Variants in CWC15 observed in about 807,000 individuals in gnomAD.
CWC15 encodes the protein CWC15 spliceosome associated protein.
Under a neutral mutation model 28.4 loss-of-function variants are expected in CWC15, and 12 were observed. The ratio of observed to expected loss-of-function variants is 0.42; its 90% CI spans 0.27 to 0.69. The LOEUF is 0.69. CWC15 is among the 30% of genes least tolerant of loss of function. CWC15 has a pLI of 0.23. For missense variants in CWC15, 192 were observed against 271.5 expected (o/e 0.71, Z 2.06); for synonymous variants, 92 against 88.4 (o/e 1.04, Z -0.23).
chr11:94,970,671 G>A (rs1001842168), intron 4 of CWC15: 3 of 336,146 alleles, frequency 8.9e-6, no homozygotes, highest in Admixed American at 8.7e-5. Flanking sequence ...GTGCCCTGGA[G>A]AGGTGTGTAA....
At chr11:94,964,208 A>G (rs1468225678) in intron 6 of CWC15, among the ~76,000 whole-genome samples, 3 of 152,244 alleles carry the variant, frequency 2.0e-5, no homozygotes, top group Admixed American at 6.5e-5. Flanking sequence ...CACCTAGCAT[A>G]TAAAACACAG....
intron 2 of CWC15, 89 bp downstream of exon 2, chr11:94,971,966 A>G (rs1857728458): frequency 3.4e-6 from 4 of 1,159,610 alleles, no homozygotes; most frequent in Non-Finnish European, 4.9e-6. Flanking sequence ...GATAAGTGAC[A>G]TAACTCAAAC....
chr11:94,971,583 CTT>C (rs1293564744), intron 2 of CWC15, 96 bp from the exon 3 acceptor site: 1 of 713,192 alleles, frequency 1.4e-6, no homozygotes, highest in South Asian at 2.1e-5. Flanking sequence ...AGGAATGAGA[CTT>C]TGTCCTTCAA....
At chr11:94,965,542 T>C (rs1376521710) in intron 6 of CWC15, among the ~76,000 whole-genome samples, 4 of 152,020 alleles carry the variant, frequency 2.6e-5, no homozygotes, top group Non-Finnish European at 5.9e-5. Context: ...ATTTGAAAAT[T>C]TGGATCTAAG....
At chr11:94,965,940 G>A (rs1252449572) in intron 6 of CWC15, among the ~76,000 whole-genome samples, 1 of 152,120 alleles carries the variant, frequency 6.6e-6, no homozygotes, top group Non-Finnish European at 1.5e-5. Context: ...GTGAGTGTCT[G>A]AATGTGAGAG....
chr11:94,970,883 A>G (rs927529858), intron 4 of CWC15, 94 bp downstream of exon 4: 2 of 1,026,308 alleles, frequency 1.9e-6, no homozygotes, highest in Non-Finnish European at 3.1e-6. Context: ...CTAAACATAA[A>G]TATATGTCAC....
intron 6 of CWC15, among the ~76,000 whole-genome samples, chr11:94,963,811 GTTT>G (rs2134097318): frequency 6.6e-6 from 1 of 152,250 alleles, no homozygotes; most frequent in East Asian, 1.9e-4. Context: ...AATATTTAAT[GTTT>G]TTAGGTCTAA....
At chr11:94,966,201 G>T in intron 6 of CWC15, 94 bp downstream of exon 6, 1 of 727,688 alleles carries the variant, frequency 1.4e-6, no homozygotes, top group South Asian at 2.1e-5. Context: ...TAATCTGCAT[G>T]CCTGTGTGTA....
chr11:94,971,337 T>A (rs993489056), intron 3 of CWC15, 38 bp downstream of exon 3: 1 of 1,497,550 alleles, frequency 6.7e-7, no homozygotes, highest in African/African-American at 1.4e-5. Context: ...ATCAACAACA[T>A]AATTTTATGA....
At chr11:94,969,562 G>A (rs782045498) in intron 5 of CWC15, among the ~76,000 whole-genome samples, 6 of 151,406 alleles carry the variant, frequency 4.0e-5, no homozygotes, top group Non-Finnish European at 7.4e-5. Context: ...GACTGTGGGG[G>A]CTCAGAGAAG....
At chr11:94,968,843 TTTC>T (rs1555095749) in intron 5 of CWC15, among the ~76,000 whole-genome samples, 1 of 152,220 alleles carries the variant, frequency 6.6e-6, no homozygotes, top group Non-Finnish European at 1.5e-5. Context: ...ATTTTCTTAC[TTTC>T]TTTTTTAAAA....
At chr11:94,963,561 G>A (rs782413740) in intron 6 of CWC15, 47 bp from the exon 7 acceptor site, 44 of 1,524,324 alleles carry the variant, frequency 2.9e-5, no homozygotes, top group Non-Finnish European at 3.7e-5. Flanking sequence ...TTTGTATCAG[G>A]AGACAAGAAT....
intron 5 of CWC15, among the ~76,000 whole-genome samples, chr11:94,969,784 T>C (rs929334672): frequency 1.3e-5 from 2 of 152,188 alleles, no homozygotes; most frequent in Non-Finnish European, 2.9e-5. Context: ...ACTCAGTGCA[T>C]CTGAACTATT....
At chr11:94,971,913 TTTAGTG>T in intron 2 of CWC15, 136 bp downstream of exon 2, 1 of 773,494 alleles carries the variant, frequency 1.3e-6, no homozygotes, top group African/African-American at 1.7e-5. Flanking sequence ...ACAGCAGAAT[TTTAGTG>T]TTAAACATCC....
chr11:94,967,396 A>C (rs2134100333), intron 5 of CWC15, among the ~76,000 whole-genome samples: 1 of 152,286 alleles, frequency 6.6e-6, no homozygotes, highest in Non-Finnish European at 1.5e-5. Context: ...TTATTTTAGC[A>C]TCAACTTCTT....
chr11:94,971,316 A>G (rs1555096176), intron 3 of CWC15, 59 bp downstream of exon 3: 1 of 1,379,300 alleles, frequency 7.3e-7, no homozygotes, highest in Non-Finnish European at 1.0e-6. Context: ...ATTGCTACAT[A>G]AAGAAAAACT....
Position 94,972,110 on chromosome 11 carries a change from G to T in CWC15, c.76C>A (p.Leu26Ile). 6.2e-7 allele frequency: 1 copy of T among 1,613,736 alleles called. No homozygotes were observed. Among genetic ancestry groups the T allele is most frequent in the Non-Finnish European group, 8.5e-7 (1 of 1,179,796 alleles). Residue 26 changes from leucine to isoleucine, a missense_variant, in exon 2 of 7, where the codon CTT becomes ATT. By Grantham distance (5) the Leu-to-Ile change is conservative. This residue lies in a region of CWC15 where 188 missense variants were observed against 250.3 expected (regional missense o/e 0.75). Transcript: ENST00000279839. ...TCTCTGCTTGAATACTGCTTTGAAA[G>T]TTGGCTCAAATCACCTTCTCCTTTT... ...RGKGEGDLSQ[L>I]SKQYSSRDLP...
At chr11:94,971,524 A>AC (rs1857721289) in intron 2 of CWC15, 37 bp from the exon 3 acceptor site, 3 of 1,103,528 alleles carry the variant, frequency 2.7e-6, no homozygotes, top group Non-Finnish European at 2.6e-6. Context: ...AATGTTACTT[A>AC]AACACACACA....
intron 4 of CWC15, chr11:94,970,645 A>C (rs1555096024): frequency 3.6e-6 from 1 of 279,472 alleles, no homozygotes; most frequent in Non-Finnish European, 6.9e-6. Context: ...TGTTTATAGG[A>C]AGCCCAGTAT....
Sources: gnomAD v4.1 joint callset for allele counts (sites outside exome capture counted in the v4.1 genomes callset) on GRCh38, gnomAD v4.1.1 for gene constraint, gnomAD v4.1.1 regional missense constraint, MANE v1.5 for transcripts, NCBI Gene and HGNC (gene_info 2026-07-23, HGNC 2026-07-21) for gene names.